Variants in ERC2 observed in about 807,000 individuals in gnomAD.
The protein encoded by ERC2 is ELKS/RAB6-interacting/CAST family member 2.
In ERC2, 42 loss-of-function variants were observed where a neutral mutation model predicts 114.8. That is an observed-to-expected ratio of 0.37 (90% confidence interval 0.29 to 0.47). The LOEUF is 0.47. Among genes scored for constraint, ERC2 ranks in the 20% least tolerant of loss-of-function variants. ERC2 has a pLI of 0.99. For synonymous variants in ERC2, 454 were observed against 425.5 expected (o/e 1.07, Z -0.82); for missense variants, 939 against 1,150.7 (o/e 0.82, Z 2.66).
At chr3:55,979,156 G>A (rs1201157354) in intron 12 of ERC2, among the ~76,000 whole-genome samples, 2 of 152,146 alleles carry the variant, frequency 1.3e-5, no homozygotes, top group Non-Finnish European at 2.9e-5. Context: ...CCATCAAACT[G>A]ACATATGATT....
intron 17 of ERC2, among the ~76,000 whole-genome samples, chr3:55,542,291 A>T (rs1191583744): frequency 6.6e-6 from 1 of 152,190 alleles, no homozygotes; most frequent in Non-Finnish European, 1.5e-5. Flanking sequence ...AAATGGGAAC[A>T]TTGCCCAAGA....
At chr3:56,443,135 A>C (rs886761326) in intron 1 of ERC2, among the ~76,000 whole-genome samples, 3 of 152,250 alleles carry the variant, frequency 2.0e-5, no homozygotes, top group African/African-American at 7.2e-5. Context: ...CTCGACAAAG[A>C]AGCCAGATTG....
At chr3:55,862,692 A>C (rs1443462916) in intron 14 of ERC2, among the ~76,000 whole-genome samples, 3 of 152,222 alleles carry the variant, frequency 2.0e-5, no homozygotes, top group African/African-American at 7.2e-5. Context: ...TTGCAGATTT[A>C]CTTGGACCTA....
At chr3:56,168,598 ACT>A (rs1205837785) in intron 4 of ERC2, among the ~76,000 whole-genome samples, 3 of 151,392 alleles carry the variant, frequency 2.0e-5, no homozygotes, top group Admixed American at 6.6e-5. Context: ...TTGCCTTTGA[ACT>A]CTCTCCCCTT....
chr3:56,056,662 C>G, intron 7 of ERC2, among the ~76,000 whole-genome samples: 1 of 152,122 alleles, frequency 6.6e-6, no homozygotes, highest in East Asian at 1.9e-4. Flanking sequence ...AATAGCTGGA[C>G]GTTACTTAAT....
intron 17 of ERC2, among the ~76,000 whole-genome samples, chr3:55,553,337 C>T (rs1314553496): frequency 6.6e-6 from 1 of 151,636 alleles, no homozygotes; most frequent in Non-Finnish European, 1.5e-5. Flanking sequence ...TTCTATTTTT[C>T]TTATGATGAT....
At chr3:55,758,682 C>T (rs1292976168) in intron 14 of ERC2, among the ~76,000 whole-genome samples, 1 of 152,226 alleles carries the variant, frequency 6.6e-6, no homozygotes, top group Non-Finnish European at 1.5e-5. Flanking sequence ...CCAAAAAAAT[C>T]CAGCCATTTA....
chr3:56,191,340 G>C (rs2047767176), intron 3 of ERC2, among the ~76,000 whole-genome samples: 1 of 152,158 alleles, frequency 6.6e-6, no homozygotes, highest in Non-Finnish European at 1.5e-5. Flanking sequence ...ACTGCAAACT[G>C]TCTGAGTCTC....
chr3:55,702,443 G>A lies in ERC2; in HGVS notation c.2713-2931C>T, dbSNP rs140720149. 2.6e-5 allele frequency among the ~76,000 whole-genome samples: 4 copies of A among 152,262 alleles called. No individual in the cohort carries two copies. The East Asian group carries it at 5.8e-4, about 22-fold the overall frequency. On this transcript the variant is annotated intron_variant, in intron 15 of 17. Coordinates refer to ENST00000288221, the MANE Select transcript of ERC2 (RefSeq NM_015576.3). Reference sequence around the variant, plus strand: ...GTAACATATCCCCTAAACTGTGACCGATTTCTTACCGGCTAGTTGCTGGTG... The same window carrying A: ...GTAACATATCCCCTAAACTGTGACCAATTTCTTACCGGCTAGTTGCTGGTG...
chr3:55,715,785 C>G lies in ERC2; in HGVS notation c.2713-16273G>C, dbSNP rs1217802107. Among the ~76,000 whole-genome samples, 3 of 152,292 alleles carry G rather than the reference C, an allele frequency of 2.0e-5. No individual in the cohort carries two copies. In the East Asian group the frequency reaches 5.8e-4, roughly 29 times the overall value. ...TAAGGTTAATGGCCCAAGGATCTCT[C>G]AGACTCTGAAGCTTTATAGGACATT... On this transcript the variant is annotated intron_variant, in intron 15 of 17. Coordinates refer to ENST00000288221, the MANE Select transcript of ERC2 (RefSeq NM_015576.3).
intron 14 of ERC2, among the ~76,000 whole-genome samples, chr3:55,757,162 T>G (rs1264253832): frequency 6.6e-6 from 1 of 152,186 alleles, no homozygotes; most frequent in Non-Finnish European, 1.5e-5. Flanking sequence ...ATAGGCATGG[T>G]AAATTATTGT....
chr3:55,882,461 A>G (rs1319122230), intron 14 of ERC2, among the ~76,000 whole-genome samples: 1 of 152,210 alleles, frequency 6.6e-6, no homozygotes, highest in Non-Finnish European at 1.5e-5. Flanking sequence ...ATACACATGT[A>G]TACAATTGGA....
At chr3:55,841,313 G>A (rs138358579) in intron 14 of ERC2, among the ~76,000 whole-genome samples, 1 of 152,172 alleles carries the variant, frequency 6.6e-6, no homozygotes, top group Admixed American at 6.5e-5. Flanking sequence ...CTGTTCTCAT[G>A]ACAGTGAATA....
chr3:55,820,229 C>T (rs2060070465), intron 14 of ERC2, among the ~76,000 whole-genome samples: 2 of 152,108 alleles, frequency 1.3e-5, no homozygotes. Flanking sequence ...AGCCACAAAA[C>T]AGCATTGAGA....
rs148750005 is a variant in ERC2, at chr3:56,140,587, G to C, written c.1306-911C>G. ...CCCACTCTGCTGTTGATAGAAATTCGGTTCTGTTCTTAGGTTTTTTGCTAC... is the reference window on the plus strand; with the variant it reads ...CCCACTCTGCTGTTGATAGAAATTCCGTTCTGTTCTTAGGTTTTTTGCTAC... On this transcript the variant is annotated intron_variant, in intron 5 of 17. Transcript: ENST00000288221. Among the ~76,000 whole-genome samples, 274 of 152,002 alleles carry C rather than the reference G, an allele frequency of 1.8e-3. 5 individuals carry two copies. Among genetic ancestry groups the C allele is most frequent in the African/African-American group, 6.4e-3 (267 of 41,444 alleles).
At chr3:56,387,132 T>C (rs565922782) in intron 2 of ERC2, among the ~76,000 whole-genome samples, 38 of 152,330 alleles carry the variant, frequency 2.5e-4, no homozygotes, top group African/African-American at 8.7e-4. Context: ...ATATGTGTAT[T>C]AAACTATGTT....
At chr3:56,457,582 C>G (rs1466010772) in intron 1 of ERC2, among the ~76,000 whole-genome samples, 1 of 152,048 alleles carries the variant, frequency 6.6e-6, no homozygotes, top group Non-Finnish European at 1.5e-5. Flanking sequence ...TACTTGAAAT[C>G]TCTTGAAGTT....
intron 2 of ERC2, among the ~76,000 whole-genome samples, chr3:56,302,767 T>C (rs1426231895): frequency 6.6e-6 from 1 of 152,248 alleles, no homozygotes; most frequent in East Asian, 1.9e-4. Flanking sequence ...GCCATCTCTT[T>C]GGAATCTCCC....
At chr3:55,853,843 A>T (rs1267256462) in intron 14 of ERC2, among the ~76,000 whole-genome samples, 1 of 152,188 alleles carries the variant, frequency 6.6e-6, no homozygotes, top group East Asian at 1.9e-4. Context: ...GGTGGTGGTG[A>T]TGGCTGCACA....
Sources: gnomAD v4.1 joint callset for allele counts (sites outside exome capture counted in the v4.1 genomes callset) on GRCh38, gnomAD v4.1.1 for gene constraint, MANE v1.5 for transcripts, NCBI Gene and HGNC (gene_info 2026-07-23, HGNC 2026-07-21) for gene names.